PPP2R3A: variants seen among roughly 807,000 people sequenced by gnomAD.
PPP2R3A encodes protein phosphatase 2 regulatory subunit B''alpha, also known as serine/threonine-protein phosphatase 2A regulatory subunit B'' subunit alpha.
Under a neutral mutation model 106.9 loss-of-function variants are expected in PPP2R3A, and 80 were observed. The observed-to-expected ratio is 0.75, with a 90% CI of 0.62 to 0.90. The LOEUF (loss-of-function observed/expected upper bound fraction) is 0.90. PPP2R3A is among the 40% of genes least tolerant of loss of function. The pLI, the probability that PPP2R3A is intolerant of heterozygous loss-of-function variation, is 0.00. For synonymous variants in PPP2R3A, 483 were observed against 468.3 expected, an observed-to-expected ratio of 1.03 and a Z score of -0.41; for missense variants, 1,386 against 1,350.4, an observed-to-expected ratio of 1.03 and a Z score of -0.41.
chr3:136,103,054 A>T (rs1937419649), intron 11 of PPP2R3A, among the ~76,000 whole-genome samples: 1 of 152,334 alleles, frequency 6.6e-6, no homozygotes, highest in Non-Finnish European at 1.5e-5. Flanking sequence ...GGTGAACTTT[A>T]TTAGTGAATT....
chr3:136,075,933 C>T (rs1576483249), intron 6 of PPP2R3A, among the ~76,000 whole-genome samples: 2 of 152,274 alleles, frequency 1.3e-5, no homozygotes, highest in East Asian at 1.9e-4. Flanking sequence ...AATCCTCCAT[C>T]GTTTTTACAT....
At chr3:136,050,156 CATTT>C (rs1436588324) in intron 5 of PPP2R3A, among the ~76,000 whole-genome samples, 1 of 152,114 alleles carries the variant, frequency 6.6e-6, no homozygotes, top group African/African-American at 2.4e-5. Context: ...CTAGAAAACT[CATTT>C]ATAGGGAGCA....
chr3:136,022,763 A>T, intron 2 of PPP2R3A: 2 of 1,137,508 alleles, frequency 1.8e-6, no homozygotes, highest in Non-Finnish European at 2.2e-6. Context: ...TATTCTCAAC[A>T]TGTGCAGGTC....
At chr3:136,018,132 T>C (rs1399446514) in intron 2 of PPP2R3A, among the ~76,000 whole-genome samples, 2 of 152,088 alleles carry the variant, frequency 1.3e-5, no homozygotes, top group Admixed American at 6.5e-5. Context: ...CTGGGCACAG[T>C]GCCATGTGCC....
At chr3:136,011,245 A>C (rs1576432488) in intron 2 of PPP2R3A, among the ~76,000 whole-genome samples, 1 of 149,154 alleles carries the variant, frequency 6.7e-6, no homozygotes, top group Non-Finnish European at 1.5e-5. Context: ...AACACTTATC[A>C]CCCCCTGATA....
At chr3:136,119,285 A>G (rs1937901222) in intron 13 of PPP2R3A, among the ~76,000 whole-genome samples, 1 of 152,258 alleles carries the variant, frequency 6.6e-6, no homozygotes, top group African/African-American at 2.4e-5. Context: ...AAACCTAGGC[A>G]GTACCATTCA....
chr3:135,966,643 A>G (rs1937096027), intron 1 of PPP2R3A, among the ~76,000 whole-genome samples: 1 of 152,124 alleles, frequency 6.6e-6, no homozygotes, highest in Non-Finnish European at 1.5e-5. Context: ...AGCTTAAGGA[A>G]ATTTTATCCA....
intron 2 of PPP2R3A, among the ~76,000 whole-genome samples, chr3:136,014,406 G>A (rs1421354583): frequency 6.6e-6 from 1 of 152,058 alleles, no homozygotes; most frequent in Non-Finnish European, 1.5e-5. Context: ...ATTGCTTTTG[G>A]CAGAATGGTC....
intron 2 of PPP2R3A, among the ~76,000 whole-genome samples, chr3:136,007,456 A>C (rs1170728821): frequency 6.6e-6 from 1 of 152,160 alleles, no homozygotes; most frequent in Non-Finnish European, 1.5e-5. Context: ...AGCAAGACTC[A>C]AGTATCTTAC....
At chr3:136,080,111 G>A (rs1439548624) in intron 7 of PPP2R3A, among the ~76,000 whole-genome samples, 1 of 151,920 alleles carries the variant, frequency 6.6e-6, no homozygotes, top group African/African-American at 2.4e-5. Flanking sequence ...GCTATTTTGA[G>A]GGTTTTCAAA....
At chr3:136,088,315 T>C (rs1203929265) in intron 9 of PPP2R3A, among the ~76,000 whole-genome samples, 1 of 152,184 alleles carries the variant, frequency 6.6e-6, no homozygotes, top group Non-Finnish European at 1.5e-5. Context: ...GTGTACTCAG[T>C]ATTAGCTTCC....
intron 13 of PPP2R3A, among the ~76,000 whole-genome samples, chr3:136,109,460 A>AC (rs1448239682): frequency 1.3e-5 from 2 of 152,304 alleles, no homozygotes; most frequent in South Asian, 4.1e-4. Context: ...AATAATTAAG[A>AC]CCCCCAAAAA....
chr3:136,032,875 C>T (rs1292871134), intron 3 of PPP2R3A, among the ~76,000 whole-genome samples: 2 of 152,102 alleles, frequency 1.3e-5, no homozygotes, highest in South Asian at 2.1e-4. Flanking sequence ...ATTTCTTTCT[C>T]TTGTTTGATT....
intron 8 of PPP2R3A, among the ~76,000 whole-genome samples, chr3:136,087,248 T>A: frequency 3.0e-5 from 2 of 66,490 alleles, no homozygotes; most frequent in African/African-American, 1.9e-4. Context: ...TAGTCGTGTC[T>A]CTCTCTCTCT....
intron 5 of PPP2R3A, among the ~76,000 whole-genome samples, chr3:136,068,555 C>A (rs1291036544): frequency 6.6e-6 from 1 of 152,084 alleles, no homozygotes; most frequent in Non-Finnish European, 1.5e-5. Context: ...AGAGAAGAGA[C>A]AGCTCTTCCT....
chr3:135,968,548 G>A (rs1037822485), intron 1 of PPP2R3A, among the ~76,000 whole-genome samples: 2 of 152,182 alleles, frequency 1.3e-5, no homozygotes, highest in Admixed American at 6.5e-5. Flanking sequence ...GACACAAAAT[G>A]AAGCTAGGAA....
chr3:136,118,566 A>C (rs1225353834), intron 13 of PPP2R3A, among the ~76,000 whole-genome samples: 1 of 152,222 alleles, frequency 6.6e-6, no homozygotes, highest in Non-Finnish European at 1.5e-5. Flanking sequence ...AATCACAAGC[A>C]TTCCTATACA....
chr3:136,124,178 TGAAAA>T lies in PPP2R3A; in HGVS notation c.3329+17860_3329+17864del, dbSNP rs548678840. ...AAATTCAAAATTATCTTTAAATGAA[TGAAAA>T]GAACATGTGAAAATATATGGGATGG... On this transcript the variant is annotated intron_variant, in intron 13 of 13. Coordinates refer to ENST00000264977, the MANE Select transcript of PPP2R3A (RefSeq NM_002718.5). Among the ~76,000 whole-genome samples, 8 of 152,158 alleles carry T rather than the reference TGAAAA, an allele frequency of 5.3e-5. No individual in the cohort carries two copies. The East Asian group carries it at 1.5e-3, about 29-fold the overall frequency.
At position 136,003,079 on chromosome 3, in the gene PPP2R3A, A is replaced by T; in HGVS notation, c.1581A>T (p.Leu527=). Reference sequence around the variant, plus strand: ...TTTCACAGAAGATGGAGACCTCTCTAAGAGAGCCACTTGCGAAGGGTAAAA... The same window carrying T: ...TTTCACAGAAGATGGAGACCTCTCTTAGAGAGCCACTTGCGAAGGGTAAAA... ...ESFSQKMETS[L]REPLAKGKNS... Residue 527 remains leucine, a synonymous_variant, in exon 2 of 14, where the codon CTA becomes CTT. Coordinates refer to ENST00000264977, the MANE Select transcript of PPP2R3A (RefSeq NM_002718.5). The T allele has an allele frequency of 6.2e-7, 1 of 1,611,536 alleles. No individual in the cohort carries two copies. The highest frequency in any genetic ancestry group is 8.5e-7 in the Non-Finnish European group (1 of 1,179,414).
Sources: gnomAD v4.1 joint callset for allele counts (sites outside exome capture counted in the v4.1 genomes callset) on GRCh38, gnomAD v4.1.1 for gene constraint, MANE v1.5 for transcripts, NCBI Gene and HGNC (gene_info 2026-07-23, HGNC 2026-07-21) for gene names.